Variants in NVL observed in about 807,000 individuals in gnomAD.
NVL encodes nuclear VCP like, also known as nuclear valosin-containing protein-like.
In NVL, 84 loss-of-function variants were observed where a neutral mutation model predicts 110.2. The observed-to-expected ratio is 0.76, with a 90% CI of 0.64 to 0.91. The LOEUF (loss-of-function observed/expected upper bound fraction) is 0.91, where lower values mean the gene tolerates loss of function less well. NVL is among the 40% of genes least tolerant of loss of function. The pLI, the probability that NVL is intolerant of heterozygous loss-of-function variation, is 0.00. For missense variants in NVL, 882 were observed against 1,035.9 expected (o/e 0.85, Z 2.04); for synonymous variants, 354 against 361.1 (o/e 0.98, Z 0.22).
intron 4 of NVL, chr1:224,313,036 G>A (rs1469180119): frequency 8.1e-6 from 3 of 369,554 alleles, no homozygotes; most frequent in Admixed American, 5.4e-5. Context: ...GCACACACCT[G>A]TAATCCCAGC....
At chr1:224,283,768 T>C (rs997670966) in intron 15 of NVL, among the ~76,000 whole-genome samples, 1 of 152,346 alleles carries the variant, frequency 6.6e-6, no homozygotes, top group East Asian at 1.9e-4. Flanking sequence ...TTTCTGGCTA[T>C]ATTTTTCCAA....
Position 224,324,567 on chromosome 1 carries a change from T to C in NVL, c.131+1824A>G, listed in dbSNP as rs530150770. 1.1e-3 allele frequency among the ~76,000 whole-genome samples: 174 copies of C among 152,314 alleles called. 1 individual carries two copies. Among genetic ancestry groups the C allele is most frequent in the African/African-American group, 1.8e-3 (75 of 41,574 alleles). Reference sequence around the variant, plus strand: ...CCTCAGCCTCTTGAGTAGCAAGGACTACAGGTTCAGGCCACCATGCCCAGC... The same window carrying C: ...CCTCAGCCTCTTGAGTAGCAAGGACCACAGGTTCAGGCCACCATGCCCAGC... On this transcript the variant is annotated intron_variant, in intron 2 of 22. Coordinates refer to ENST00000281701, the MANE Select transcript of NVL (RefSeq NM_002533.4).
At chr1:224,251,095 G>T (rs1188997380) in intron 18 of NVL, among the ~76,000 whole-genome samples, 1 of 151,816 alleles carries the variant, frequency 6.6e-6, no homozygotes, top group Non-Finnish European at 1.5e-5. Context: ...CTAATATGGT[G>T]AAACCCCGTC....
At chr1:224,247,867 A>T (rs1662036122) in intron 19 of NVL, among the ~76,000 whole-genome samples, 3 of 152,226 alleles carry the variant, frequency 2.0e-5, no homozygotes, top group South Asian at 2.1e-4. Context: ...TAGCAGCATG[A>T]TCACTCCTCT....
intron 21 of NVL, among the ~76,000 whole-genome samples, chr1:224,231,748 C>G (rs866315687): frequency 6.6e-6 from 1 of 152,036 alleles, no homozygotes; most frequent in African/African-American, 2.4e-5. Flanking sequence ...AGCTTTAGGT[C>G]GGGCGCGGTG....
At chr1:224,251,764 AC>A in intron 18 of NVL, among the ~76,000 whole-genome samples, 1 of 151,916 alleles carries the variant, frequency 6.6e-6, no homozygotes, top group South Asian at 2.1e-4. Flanking sequence ...ACACCACTCC[AC>A]CCCACCCTAC....
chr1:224,244,367 C>CA (rs938392299), intron 19 of NVL, among the ~76,000 whole-genome samples: 1,646 of 145,448 alleles, frequency 0.011, 33 homozygotes, highest in African/African-American at 0.038. Flanking sequence ...AACTCCGTCT[C>CA]AAAAAAAAAA....
rs1659302406 is a variant in NVL at position 224,227,354 on chromosome 1, G to C, written c.*272C>G. The C allele has an allele frequency of 3.8e-6, 1 of 263,980 alleles. No individual in the cohort carries two copies. Among genetic ancestry groups the C allele is most frequent in the African/African-American group, 2.2e-5 (1 of 45,334 alleles). The allele number at this position is 263,980 out of a possible 1,614,324, so 16.4% of individuals were successfully genotyped here. A position where few individuals can be genotyped will look rare whatever the true frequency, so the allele number is the denominator to read the frequency against. On this transcript the variant is annotated 3_prime_UTR_variant, in exon 23 of 23. Transcript: ENST00000281701. ...TTCTGTATAGTCAAAATAGTTCAAA[G>C]TAAAAGTTTTATTTGAAAAATGTAA...
chr1:224,286,215 GTT>G (rs759032246), intron 14 of NVL, 85 bp from the exon 15 acceptor site: 4,283 of 723,772 alleles, frequency 5.9e-3, no homozygotes, highest in South Asian at 7.9e-3. Context: ...ATATTTTATG[GTT>G]TTTTTTTTTT....
At chr1:224,309,901 A>G (rs1203491175) in intron 5 of NVL, among the ~76,000 whole-genome samples, 1 of 152,072 alleles carries the variant, frequency 6.6e-6, no homozygotes, top group Non-Finnish European at 1.5e-5. Flanking sequence ...GTGGTGGCGC[A>G]CACCTTAATC....
At chr1:224,240,504 C>T (rs1052644662) in intron 19 of NVL, among the ~76,000 whole-genome samples, 1 of 152,136 alleles carries the variant, frequency 6.6e-6, no homozygotes, top group Admixed American at 6.5e-5. Flanking sequence ...AGCCACAGCG[C>T]CCAGCAGAGG....
rs976212145 is a variant in NVL at position 224,236,375 on chromosome 1, T to C, written c.2366+131A>G. The C allele has an allele frequency of 1.8e-4, 125 of 684,018 alleles. 2 individuals carry two copies. The South Asian group carries it at 2.2e-3, about 12-fold the overall frequency. The allele number at this position is 684,018 out of a possible 1,614,324, so 42.4% of individuals were successfully genotyped here. Reference sequence around the variant, plus strand: ...CTCTAAGAAGGGAGATGCCAGACACTTTATGTGCTTCATGGGATACCTCAT... The same window carrying C: ...CTCTAAGAAGGGAGATGCCAGACACCTTATGTGCTTCATGGGATACCTCAT... On this transcript the variant is annotated intron_variant, in intron 20 of 22. Coordinates refer to ENST00000281701, the MANE Select transcript of NVL (RefSeq NM_002533.4).
At chr1:224,252,805 T>A (rs890228397) in intron 18 of NVL, among the ~76,000 whole-genome samples, 6 of 152,216 alleles carry the variant, frequency 3.9e-5, no homozygotes, top group Non-Finnish European at 8.8e-5. Context: ...CAGAATCCCT[T>A]TGCACTCTTA....
At chr1:224,318,624 C>A (rs1670321908) in intron 2 of NVL, among the ~76,000 whole-genome samples, 1 of 151,692 alleles carries the variant, frequency 6.6e-6, no homozygotes, top group Non-Finnish European at 1.5e-5. Flanking sequence ...AATTAAAAAA[C>A]TAAGAAGAAG....
In NVL at chr1:224,283,440, T is replaced by C. The variant is rs898845303; in HGVS notation, c.1900-2255A>G. 2.6e-5 allele frequency among the ~76,000 whole-genome samples: 4 copies of C among 152,062 alleles called. No homozygotes were observed. The East Asian group carries it at 5.8e-4, about 22-fold the overall frequency. ...AGGCGGAGCTTGCAGTGAGCCAAGG[T>C]TGTGCCACTGCACTCCAGCCTGGGT... On this transcript the variant is annotated intron_variant, in intron 15 of 22. Coordinates refer to ENST00000281701, the MANE Select transcript of NVL (RefSeq NM_002533.4).
chr1:224,248,284 T>C (rs1236569048), intron 19 of NVL, among the ~76,000 whole-genome samples: 2 of 152,252 alleles, frequency 1.3e-5, no homozygotes, highest in Non-Finnish European at 2.9e-5. Flanking sequence ...TCTTCTTTGT[T>C]ATTCCCGTGA....
At chr1:224,321,169 C>A (rs1003546105) in intron 2 of NVL, among the ~76,000 whole-genome samples, 9 of 152,088 alleles carry the variant, frequency 5.9e-5, no homozygotes, top group Admixed American at 4.6e-4. Context: ...AGGATGAGCC[C>A]AGGGGGCTGA....
At chr1:224,313,958 G>A (rs150596582) in intron 4 of NVL, among the ~76,000 whole-genome samples, 1 of 152,118 alleles carries the variant, frequency 6.6e-6, no homozygotes, top group African/African-American at 2.4e-5. Context: ...AGTCGAGATC[G>A]CACCACTGGA....
At chr1:224,315,699 G>A (rs1356225834) in intron 4 of NVL, among the ~76,000 whole-genome samples, 5 of 152,160 alleles carry the variant, frequency 3.3e-5, no homozygotes, top group African/African-American at 4.8e-5. Context: ...TCTATCACAC[G>A]ACCCAGCTAT....
Sources: gnomAD v4.1 joint callset for allele counts (sites outside exome capture counted in the v4.1 genomes callset) on GRCh38, gnomAD v4.1.1 for gene constraint, MANE v1.5 for transcripts, NCBI Gene and HGNC (gene_info 2026-07-23, HGNC 2026-07-21) for gene names.